MIPOL1: variants seen among roughly 807,000 people sequenced by gnomAD.
MIPOL1 encodes the protein mirror-image polydactyly gene 1 protein.
In MIPOL1, 57 loss-of-function variants were observed where a neutral mutation model predicts 60.9. The observed-to-expected ratio is 0.94, with a 90% CI of 0.76 to 1.17. The LOEUF (loss-of-function observed/expected upper bound fraction) is 1.17, where lower values mean the gene tolerates loss of function less well. Among genes scored for constraint, MIPOL1 ranks in the 50% most tolerant of loss-of-function variants. MIPOL1 has a pLI of 0.00. For missense variants in MIPOL1, 551 were observed against 511.6 expected (o/e 1.08, Z -0.74); for synonymous variants, 179 against 168.8 (o/e 1.06, Z -0.47).
At chr14:37,476,527 G>T (rs1249695059) in intron 11 of MIPOL1, among the ~76,000 whole-genome samples, 1 of 152,160 alleles carries the variant, frequency 6.6e-6, no homozygotes, top group South Asian at 2.1e-4. Context: ...TAGGGGTAAA[G>T]CATCTAATAT....
At chr14:37,319,974 A>G (rs1007477993) in intron 9 of MIPOL1, among the ~76,000 whole-genome samples, 1 of 152,134 alleles carries the variant, frequency 6.6e-6, no homozygotes, top group Non-Finnish European at 1.5e-5. Context: ...GTTAATAATT[A>G]TTAATAATGT....
chr14:37,225,572 A>G (rs1472207165), intron 1 of MIPOL1, among the ~76,000 whole-genome samples: 4 of 152,146 alleles, frequency 2.6e-5, no homozygotes, highest in Admixed American at 2.6e-4. Flanking sequence ...ACAGGGCACC[A>G]AGTCCCTAGG....
At chr14:37,515,457 A>G (rs2095362407) in intron 12 of MIPOL1, among the ~76,000 whole-genome samples, 2 of 152,278 alleles carry the variant, frequency 1.3e-5, no homozygotes, top group South Asian at 2.1e-4. Context: ...CATTTATACA[A>G]TACAAACTAA....
chr14:37,400,298 G>T (rs1164634937), intron 10 of MIPOL1: 1 of 152,102 alleles, frequency 6.6e-6, no homozygotes, highest in Non-Finnish European at 1.5e-5. Flanking sequence ...TCGCTCACTG[G>T]ATATGGGAAA....
intron 3 of MIPOL1, among the ~76,000 whole-genome samples, chr14:37,249,484 C>T (rs1555369635): frequency 6.6e-6 from 1 of 152,024 alleles, no homozygotes; most frequent in Non-Finnish European, 1.5e-5. Flanking sequence ...AATTTTCTTG[C>T]TGTTTTTGCA....
intron 1 of MIPOL1, among the ~76,000 whole-genome samples, chr14:37,238,607 A>T (rs1029092987): frequency 6.6e-6 from 1 of 152,120 alleles, no homozygotes; most frequent in Non-Finnish European, 1.5e-5. Flanking sequence ...AGTAATCATG[A>T]TTATGTTATA....
At position 37,549,422 on chromosome 14, in the gene MIPOL1, T is replaced by C. The variant is rs1272761956; in HGVS notation, c.*2451T>C. The C allele has an allele frequency of 6.6e-6, 1 of 151,650 alleles. No homozygotes were observed. Among genetic ancestry groups the C allele is most frequent in the Non-Finnish European group, 1.5e-5 (1 of 67,736 alleles). The allele number at this position is 151,650 out of a possible 1,614,324, so 9.4% of individuals were successfully genotyped here. ...ATATATATAACCCATATAATAACGA[T>C]GGTGATGATAATTTTAGTATTACTG... On this transcript the variant is annotated 3_prime_UTR_variant, in exon 13 of 13. Transcript: ENST00000684589.
chr14:37,399,519 A>G (rs1360301751), intron 10 of MIPOL1, among the ~76,000 whole-genome samples: 1 of 152,062 alleles, frequency 6.6e-6, no homozygotes, highest in Non-Finnish European at 1.5e-5. Context: ...TCTCATTTTC[A>G]TTATCTGAGC....
chr14:37,441,474 A>G (rs1356864807), intron 11 of MIPOL1, among the ~76,000 whole-genome samples: 1 of 152,154 alleles, frequency 6.6e-6, no homozygotes, highest in Non-Finnish European at 1.5e-5. Flanking sequence ...TCCCAGCACC[A>G]TTTATTAAAA....
intron 11 of MIPOL1, among the ~76,000 whole-genome samples, chr14:37,463,273 C>A (rs1395641097): frequency 6.6e-6 from 1 of 152,136 alleles, no homozygotes; most frequent in Non-Finnish European, 1.5e-5. Context: ...AAGAACAGCA[C>A]AGGAAAGACC....
intron 10 of MIPOL1, among the ~76,000 whole-genome samples, chr14:37,421,686 T>A (rs964318049): frequency 2.0e-5 from 3 of 152,066 alleles, no homozygotes; most frequent in African/African-American, 7.2e-5. Flanking sequence ...AACAGATTAA[T>A]CTTAATGCTA....
intron 7 of MIPOL1, among the ~76,000 whole-genome samples, chr14:37,299,213 C>G (rs528357839): frequency 6.6e-6 from 1 of 151,624 alleles, no homozygotes; most frequent in African/African-American, 2.4e-5. Context: ...AACCAAACAC[C>G]TCATGTTCTC....
At chr14:37,317,027 G>A (rs1031654882) in intron 9 of MIPOL1, among the ~76,000 whole-genome samples, 1 of 152,018 alleles carries the variant, frequency 6.6e-6, no homozygotes, top group African/African-American at 2.4e-5. Flanking sequence ...CCAAGTCCTG[G>A]AGTAGATGAG....
At chr14:37,333,972 T>C (rs2089926581) in intron 9 of MIPOL1, among the ~76,000 whole-genome samples, 1 of 78,432 alleles carries the variant, frequency 1.3e-5, no homozygotes, top group Non-Finnish European at 2.6e-5. Context: ...AATTTGAAGA[T>C]TGAATTTATA....
chr14:37,262,043 G>T (rs1594786857), intron 3 of MIPOL1, among the ~76,000 whole-genome samples: 1 of 135,170 alleles, frequency 7.4e-6, no homozygotes, highest in South Asian at 2.6e-4. Context: ...ATGTTATGTG[G>T]GGGGAAAAAC....
At chr14:37,276,825 A>G (rs2083695234) in intron 6 of MIPOL1, 1 of 151,202 alleles carries the variant, frequency 6.6e-6, no homozygotes, top group Admixed American at 6.6e-5. Context: ...AAGAATATGA[A>G]CACTAATTTC....
At chr14:37,417,340 C>T (rs996028562) in intron 10 of MIPOL1, among the ~76,000 whole-genome samples, 9 of 152,292 alleles carry the variant, frequency 5.9e-5, no homozygotes, top group African/African-American at 2.2e-4. Flanking sequence ...TCTCATATAT[C>T]ACTCGACAGT....
chr14:37,316,765 TC>T (rs1228306093), intron 9 of MIPOL1, among the ~76,000 whole-genome samples: 1 of 151,974 alleles, frequency 6.6e-6, no homozygotes, highest in African/African-American at 2.4e-5. Context: ...TGACCTGAAT[TC>T]CGGAGTTTGA....
intron 10 of MIPOL1, among the ~76,000 whole-genome samples, chr14:37,418,458 G>A (rs1192595633): frequency 6.6e-6 from 1 of 152,048 alleles, no homozygotes; most frequent in Non-Finnish European, 1.5e-5. Flanking sequence ...TTTCAATCAC[G>A]TAAGGTATAA....
Sources: gnomAD v4.1 joint callset for allele counts (sites outside exome capture counted in the v4.1 genomes callset) on GRCh38, gnomAD v4.1.1 for gene constraint, MANE v1.5 for transcripts, NCBI Gene and HGNC (gene_info 2026-07-23, HGNC 2026-07-21) for gene names.